RFT1: variants seen among roughly 807,000 people sequenced by gnomAD.
RFT1 encodes man(5)GlcNAc(2)-PP-dolichol translocation protein RFT1.
RFT1 carries 43 observed loss-of-function variants against 62.2 expected under a neutral mutation model. The ratio of observed to expected loss-of-function variants is 0.69; its 90% CI spans 0.54 to 0.89. The LOEUF is 0.89. RFT1 is among the 40% of genes least tolerant of loss of function. The pLI, the probability that RFT1 is intolerant of heterozygous loss-of-function variation, is 0.00. For missense variants in RFT1, 605 were observed against 649.9 expected, an observed-to-expected ratio of 0.93 and a Z score of 0.75; for synonymous variants, 262 against 264.6, an observed-to-expected ratio of 0.99 and a Z score of 0.10.
At chr3:53,088,235 G>C (rs1309268306), downstream of RFT1, among the ~76,000 whole-genome samples, 2 of 152,160 alleles carry the variant, frequency 1.3e-5, no homozygotes, top group African/African-American at 4.8e-5. Flanking sequence ...ACAGCTTAAG[G>C]GGGGATGGGG....
intron 9 of RFT1, 75 bp downstream of exon 9, chr3:53,105,598 A>C: frequency 6.6e-7 from 1 of 1,520,934 alleles, no homozygotes; most frequent in South Asian, 1.1e-5. Flanking sequence ...AGAGAAACAG[A>C]CTGCTTCACA....
the RFT1 span, among the ~76,000 whole-genome samples, chr3:53,076,156 C>T: frequency 1.3e-5 from 2 of 152,232 alleles, no homozygotes; most frequent in Non-Finnish European, 2.9e-5. Flanking sequence ...TGGCTGCCGC[C>T]CCACTGGGCT....
intron 4 of RFT1, 84 bp from the exon 5 acceptor site, chr3:53,121,884 C>T: frequency 8.8e-7 from 1 of 1,133,198 alleles, no homozygotes; most frequent in South Asian, 1.3e-5. Context: ...AAATCTAGGG[C>T]AGTGGTCACC....
At chr3:53,121,653 T>C (rs372429723) in intron 5 of RFT1, 46 bp downstream of exon 5, 1 of 1,451,382 alleles carries the variant, frequency 6.9e-7, no homozygotes, top group Non-Finnish European at 9.6e-7. Context: ...AAAAACCAGT[T>C]GGAGAAACAA....
chr3:53,098,384 C>T (rs1025211422), intron 11 of RFT1, among the ~76,000 whole-genome samples: 3 of 151,900 alleles, frequency 2.0e-5, no homozygotes, highest in South Asian at 2.1e-4. Context: ...CATGAGCCAG[C>T]GCAGGAAAGG....
intron 2 of RFT1, among the ~76,000 whole-genome samples, chr3:53,125,182 G>A (rs1036202223): frequency 7.9e-5 from 12 of 152,144 alleles, no homozygotes; most frequent in African/African-American, 2.9e-4. Context: ...AGAGCCAAGA[G>A]TATATGTTTG....
At chr3:53,077,299 G>A in the RFT1 span, among the ~76,000 whole-genome samples, 13 of 152,346 alleles carry the variant, frequency 8.5e-5, no homozygotes, top group African/African-American at 2.9e-4. Flanking sequence ...AGAGCCCACA[G>A]CAGGCATGAG....
At chr3:53,114,645 T>C (rs995525993) in intron 6 of RFT1, among the ~76,000 whole-genome samples, 3 of 152,090 alleles carry the variant, frequency 2.0e-5, no homozygotes, top group Non-Finnish European at 2.9e-5. Flanking sequence ...AAGAGGCCTA[T>C]TTCACAATAG....
chr3:53,130,272 C>T (rs1702225814), intron 1 of RFT1, 66 bp downstream of exon 1: 1 of 1,487,328 alleles, frequency 6.7e-7, no homozygotes, highest in African/African-American at 1.4e-5. Context: ...CTCTCAAGGG[C>T]CCAAGGGCTG....
intron 6 of RFT1, 63 bp from the exon 7 acceptor site, chr3:53,111,971 C>T (rs1272579257): frequency 7.6e-7 from 1 of 1,317,798 alleles, no homozygotes; most frequent in South Asian, 1.2e-5. Flanking sequence ...GAATGCAATG[C>T]TACATGAGAG....
chr3:53,123,365 A>T (rs1380111854), intron 3 of RFT1, among the ~76,000 whole-genome samples: 1 of 152,248 alleles, frequency 6.6e-6, no homozygotes, highest in Non-Finnish European at 1.5e-5. Flanking sequence ...AGCTCAAAAG[A>T]TATTATAGAG....
intron 1 of RFT1, among the ~76,000 whole-genome samples, chr3:53,126,477 A>G (rs1445235124): frequency 2.0e-5 from 3 of 152,190 alleles, no homozygotes; most frequent in African/African-American, 7.2e-5. Context: ...GCCTCATAAT[A>G]TCTAGGAATT....
At chr3:53,122,288 T>G (rs1333235674) in intron 4 of RFT1, 86 bp downstream of exon 4, 15 of 1,257,498 alleles carry the variant, frequency 1.2e-5, no homozygotes, top group Non-Finnish European at 1.6e-5. Context: ...GAAAAATCAT[T>G]CATTCTCTCC....
intron 1 of RFT1, among the ~76,000 whole-genome samples, chr3:53,128,963 T>C (rs932296904): frequency 2.0e-5 from 3 of 152,254 alleles, no homozygotes; most frequent in African/African-American, 7.2e-5. Flanking sequence ...ACCTTACAGG[T>C]AAGCCACCTG....
intron 6 of RFT1, among the ~76,000 whole-genome samples, chr3:53,117,825 C>T (rs543282291): frequency 6.6e-6 from 1 of 152,326 alleles, no homozygotes; most frequent in South Asian, 2.1e-4. Context: ...GAGTGAGGTA[C>T]TATTATTATC....
chr3:53,109,041 C>A (rs1313762394), intron 7 of RFT1, among the ~76,000 whole-genome samples: 1 of 152,062 alleles, frequency 6.6e-6, no homozygotes, highest in African/African-American at 2.4e-5. Context: ...ATACACTGAC[C>A]CCAAGCTATC....
the RFT1 span, among the ~76,000 whole-genome samples, chr3:53,070,009 A>T: frequency 6.6e-6 from 1 of 152,176 alleles, no homozygotes; most frequent in Non-Finnish European, 1.5e-5. Flanking sequence ...CTAGCTGTGG[A>T]TTCAGGAAGA....
At chr3:53,100,931 T>C (rs982885947) in intron 10 of RFT1, among the ~76,000 whole-genome samples, 3 of 151,808 alleles carry the variant, frequency 2.0e-5, no homozygotes, top group African/African-American at 7.3e-5. Context: ...TTTTACTTTA[T>C]GTAAATTATA....
chr3:53,076,329 T>G, the RFT1 span, among the ~76,000 whole-genome samples: 48 of 151,990 alleles, frequency 3.2e-4, 1 homozygote, highest in Admixed American at 1.2e-3. Flanking sequence ...GAATAAGTAG[T>G]GAGGGGTTCC....
Sources: allele counts gnomAD v4.1 joint callset (sites outside exome capture counted in the v4.1 genomes callset), GRCh38; gene constraint gnomAD v4.1.1; transcripts MANE v1.5; gene names NCBI Gene and HGNC (gene_info 2026-07-23, HGNC 2026-07-21).